The following DYNLT4 variants were observed in gnomAD, a reference collection of about 807,000 sequenced individuals.
The protein encoded by DYNLT4 is dynein light chain Tctex-type 4.
Under a neutral mutation model 1.5 loss-of-function variants are expected in DYNLT4, and 3 were observed. The ratio of observed to expected loss-of-function variants is 1.97; its 90% CI spans 0.90 to 5.08. DYNLT4 has a LOEUF of 5.08. Ranked by LOEUF, DYNLT4 falls within the 30% of genes most tolerant of loss-of-function variation. The probability of loss-of-function intolerance (pLI) is 0.02; values close to 1 mark genes in which losing one functional copy is unlikely to be tolerated. For missense variants in DYNLT4, 346 were observed against 341.0 expected, an observed-to-expected ratio of 1.01 and a Z score of -0.12; for synonymous variants, 181 against 160.0, an observed-to-expected ratio of 1.13 and a Z score of -0.99.
At chr1:44,807,301 T>C (rs1652159920) in intron 1 of DYNLT4, among the ~76,000 whole-genome samples, 24 bp downstream of exon 1, 1 of 152,252 alleles carries the variant, frequency 6.6e-6, no homozygotes, top group African/African-American at 2.4e-5. Flanking sequence ...GGCTGCCCTC[T>C]GCTCCCGAAA....
chr1:44,806,551 G>T lies in DYNLT4; in HGVS notation c.118C>A (p.Pro40Thr). ...GCLPSIDEAR[P>T]AGPGPAPASR... Reference sequence around the variant, plus strand: ...GCCGGGGCTGGACCTGGACCTGCCGGTCGGGCCTCATCAATGCTGGGCAGG... The same window carrying T: ...GCCGGGGCTGGACCTGGACCTGCCGTTCGGGCCTCATCAATGCTGGGCAGG... Residue 40 changes from proline (P) to threonine (T), a missense_variant, in exon 3 of 3, where the codon CCG (proline) becomes ACG (threonine). Transcript: ENST00000339355. 3 of 1,502,590 alleles carry T rather than the reference G, an allele frequency of 2.0e-6. No individual in the cohort carries two copies. The highest frequency in any genetic ancestry group is 2.7e-6 in the Non-Finnish European group (3 of 1,129,950). The allele number at this position is 1,502,590 out of a possible 1,614,324, so 93.1% of individuals were successfully genotyped here.
rs1473367800 is a variant in DYNLT4, at chr1:44,806,784, C to T, written c.-12G>A. On this transcript the variant is annotated splice_region_variant and 5_prime_UTR_variant, in exon 2 of 3. Transcript: ENST00000339355. Reference sequence around the variant, plus strand: ...TTTTTACCTTCTACCCCCTTCTTACCTGTGTTTTAGAACAAGTGGATCAGA... The same window carrying T: ...TTTTTACCTTCTACCCCCTTCTTACTTGTGTTTTAGAACAAGTGGATCAGA... 7.4e-7 allele frequency: 1 copy of T among 1,353,754 alleles called. No individual in the cohort carries two copies. Among genetic ancestry groups the T allele is most frequent in the Non-Finnish European group, 9.4e-7 (1 of 1,060,058 alleles). 83.9% of individuals were successfully genotyped at this position (1,353,754 alleles called of 1,614,324 possible).
At chr1:44,807,079 G>C (rs1449660843) in intron 1 of DYNLT4, 5 of 985,400 alleles carry the variant, frequency 5.1e-6, no homozygotes, top group Non-Finnish European at 6.0e-6. Flanking sequence ...AACCAGGAAG[G>C]ACTGACAGAC....
Position 44,806,250 on chromosome 1 carries a change from T to A in DYNLT4, c.419A>T (p.Tyr140Phe), listed in dbSNP as rs1480981605. 2 of 1,522,972 alleles carry A rather than the reference T, an allele frequency of 1.3e-6. No homozygotes were observed. Among genetic ancestry groups the A allele is most frequent in the Non-Finnish European group, 1.8e-6 (2 of 1,138,352 alleles). The allele number at this position is 1,522,972 out of a possible 1,614,324, so 94.3% of individuals were successfully genotyped here. The change falls in exon 3 of 3, where the codon TAC becomes TTC. Residue 140 changes from tyrosine to phenylalanine, a missense_variant. Coordinates refer to ENST00000339355, the MANE Select transcript of DYNLT4 (RefSeq NM_001377534.1). Reference protein sequence around the residue: ...ALAAGLHDACYSSDEAARLVR... With the variant: ...ALAAGLHDACFSSDEAARLVR... ...CAGCCGCGCGGCCTCGTCGCTGGAG[T>A]AGCACGCGTCGTGCAGCCCTGCGGC...
Position 44,806,289 on chromosome 1 carries a change from A to AGGGCACGCT in DYNLT4, c.371_379dup (p.Gln124_Ala126dup). On this transcript the variant is annotated inframe_insertion, in exon 3 of 3. Coordinates refer to ENST00000339355, the MANE Select transcript of DYNLT4 (RefSeq NM_001377534.1). ...CAGCCCTGCGGCCAGCGCCGCCTCCAGGGCACGCTGTGCACGCGCAGCCTC... is the reference window on the plus strand; with the variant it reads ...CAGCCCTGCGGCCAGCGCCGCCTCCAGGGCACGCTGGGCACGCTGTGCACGCGCAGCCTC... The AGGGCACGCT allele has an allele frequency of 6.7e-7, 1 of 1,482,024 alleles. No individual in the cohort carries two copies. Among genetic ancestry groups the AGGGCACGCT allele is most frequent in the South Asian group, 1.3e-5 (1 of 76,694 alleles). The allele number at this position is 1,482,024 out of a possible 1,614,324, so 91.8% of individuals were successfully genotyped here.
In DYNLT4 at chr1:44,806,115, T is replaced by A. The variant is rs1652051152; in HGVS notation, c.554A>T (p.His185Leu). ...VLGPRAGQGVHVVSRALWDVA... is the reference protein window; with the variant it reads ...VLGPRAGQGVLVVSRALWDVA... ...GTCCCAGAGCGCACGGCTGACCACG[T>A]GAACGCCCTGGCCCGCGCGCGGCCC... The change falls in exon 3 of 3, where the codon CAC becomes CTC. Residue 185 changes from histidine (H) to leucine (L), a missense_variant. Transcript: ENST00000339355. 2 of 1,606,850 alleles carry A rather than the reference T, an allele frequency of 1.2e-6. No individual in the cohort carries two copies. The highest frequency in any genetic ancestry group is 3.4e-5 in the Admixed American group (2 of 59,208).
chr1:44,807,166 A>G (rs763429755), intron 1 of DYNLT4, 159 bp downstream of exon 1: 24 of 981,166 alleles, frequency 2.4e-5, no homozygotes, highest in Non-Finnish European at 2.8e-5. Flanking sequence ...GATCTACTCT[A>G]GGGTGGCTGG....
At position 44,806,059 on chromosome 1, in the gene DYNLT4, A is replaced by G; in HGVS notation, c.610T>C (p.Tyr204His). The G allele has an allele frequency of 6.3e-7, 1 of 1,599,924 alleles. No homozygotes were observed. Among genetic ancestry groups the G allele is most frequent in the Non-Finnish European group, 8.5e-7 (1 of 1,172,180 alleles). Residue 204 changes from tyrosine to histidine, a missense_variant, in exon 3 of 3, where the codon TAC becomes CAC. Tyr to His is a moderately conservative substitution (Grantham distance 83, BLOSUM62 2). Transcript: ENST00000339355. The stretch of plus-strand genomic sequence containing the variant: ...ACCGCGAAGAGCGAGGTGTTGGTGT[A>G]GGAGACCGAGGCCAGCCCATCGCGC... ...VARDGLASVS[Y>H]TNTSLFAVAT...
chr1:44,806,730 C>A, intron 2 of DYNLT4, 51 bp from the exon 3 acceptor site: 1 of 1,399,630 alleles, frequency 7.1e-7, no homozygotes, highest in Non-Finnish European at 9.2e-7. Context: ...GTCTACCCAC[C>A]CCAGCCTCTT....
In DYNLT4 at chr1:44,806,582, T is replaced by C. The variant is rs1450709156; in HGVS notation, c.87A>G (p.Arg29=). Reference sequence around the variant, plus strand: ...CCTCATCAATGCTGGGCAGGCAGCCTCGGGGCCGCACCGGTGAGGGTTTCC... The same window carrying C: ...CCTCATCAATGCTGGGCAGGCAGCCCCGGGGCCGCACCGGTGAGGGTTTCC... ...SGRKPSPVRP[R]GCLPSIDEAR... Residue 29 remains arginine (R), a synonymous_variant, in exon 3 of 3, where the codon CGA becomes CGG. Coordinates refer to ENST00000339355, the MANE Select transcript of DYNLT4 (RefSeq NM_001377534.1). The C allele has an allele frequency of 6.7e-7, 1 of 1,497,626 alleles. No homozygotes were observed. The highest frequency in any genetic ancestry group is 8.9e-7 in the Non-Finnish European group (1 of 1,125,972). 92.8% of individuals were successfully genotyped at this position (1,497,626 alleles called of 1,614,324 possible).
Position 44,806,115 on chromosome 1 carries a change from T to C in DYNLT4, c.554A>G (p.His185Arg). 1 of 1,606,968 alleles carries C rather than the reference T, an allele frequency of 6.2e-7. No individual in the cohort carries two copies. Among genetic ancestry groups the C allele is most frequent in the Non-Finnish European group, 8.5e-7 (1 of 1,177,434 alleles). ...VLGPRAGQGV[H>R]VVSRALWDVA... ...GTCCCAGAGCGCACGGCTGACCACGTGAACGCCCTGGCCCGCGCGCGGCCC... is the reference window on the plus strand; with the variant it reads ...GTCCCAGAGCGCACGGCTGACCACGCGAACGCCCTGGCCCGCGCGCGGCCC... The change falls in exon 3 of 3, where the codon CAC becomes CGC. Residue 185 changes from histidine to arginine, a missense_variant. His to Arg is a conservative substitution (Grantham distance 29, BLOSUM62 0). Coordinates refer to ENST00000339355, the MANE Select transcript of DYNLT4 (RefSeq NM_001377534.1).
At position 44,806,553 on chromosome 1, in the gene DYNLT4, CG is replaced by C. The variant is rs1031894497; in HGVS notation, c.115del (p.Arg39AspfsTer219). 2 of 1,500,500 alleles carry C rather than the reference CG, an allele frequency of 1.3e-6. No homozygotes were observed. Among genetic ancestry groups the C allele is most frequent in the African/African-American group, 2.9e-5 (2 of 68,938 alleles). 92.9% of individuals were successfully genotyped at this position (1,500,500 alleles called of 1,614,324 possible). On this transcript the variant is annotated frameshift_variant, in exon 3 of 3. Transcript: ENST00000339355. LOFTEE classifies it low-confidence loss of function (END_TRUNC). ...CGGGGCTGGACCTGGACCTGCCGGT[CG>C]GGCCTCATCAATGCTGGGCAGGCAG... ...RGCLPSIDEA[R>X]PAGPGPAPAS...
In DYNLT4 at chr1:44,806,175, G is replaced by T. The variant is rs1557626052; in HGVS notation, c.494C>A (p.Pro165Gln). The change falls in exon 3 of 3, where the codon CCG becomes CAG. Residue 165 changes from proline (P) to glutamine (Q), a missense_variant. Pro to Gln is a moderately conservative substitution (Grantham distance 76, BLOSUM62 -1). Transcript: ENST00000339355. The part of the protein sequence containing the change: ...QVHVRLRELS[P>Q]PRYKLVCSVV... The stretch of plus-strand genomic sequence containing the variant: ...ACTGCATACCAGCTTGTAGCGTGGC[G>T]GGCTGAGCTCGCGCAGGCGAACGTG... The T allele has an allele frequency of 6.4e-7, 1 of 1,567,122 alleles. No homozygotes were observed. Among genetic ancestry groups the T allele is most frequent in the African/African-American group, 1.3e-5 (1 of 74,228 alleles).
rs1263581864 is a variant in DYNLT4, at chr1:44,806,421, G to A, written c.248C>T (p.Pro83Leu). The change falls in exon 3 of 3, where the codon CCG (proline) becomes CTG (leucine). Residue 83 changes from proline to leucine, a missense_variant. By Grantham distance (98) the Pro-to-Leu change is moderately conservative. Transcript: ENST00000339355. The stretch of plus-strand genomic sequence containing the variant: ...GACCCTTGAGCCCAGAGGGGGCACC[G>A]GGCCCAGGGATGGCCGCTGACCCCC... The part of the protein sequence containing the change: ...GPGGQRPSLG[P>L]VPPLGSRVSF... The A allele has an allele frequency of 2.0e-6, 3 of 1,515,924 alleles. No homozygotes were observed. Among genetic ancestry groups the A allele is most frequent in the East Asian group, 5.1e-5 (2 of 39,332 alleles). 93.9% of individuals were successfully genotyped at this position (1,515,924 alleles called of 1,614,324 possible).
chr1:44,806,119 C>A lies in DYNLT4; in HGVS notation c.550G>T (p.Val184Phe), dbSNP rs1320876113. ...CAGAGCGCACGGCTGACCACGTGAACGCCCTGGCCCGCGCGCGGCCCCAGC... is the reference window on the plus strand; with the variant it reads ...CAGAGCGCACGGCTGACCACGTGAAAGCCCTGGCCCGCGCGCGGCCCCAGC... ...VVLGPRAGQG[V>F]HVVSRALWDV... The change falls in exon 3 of 3, where the codon GTT becomes TTT. Residue 184 changes from valine (V) to phenylalanine (F), a missense_variant. By Grantham distance (50) the Val-to-Phe change is conservative (BLOSUM62 -1). Coordinates refer to ENST00000339355, the MANE Select transcript of DYNLT4 (RefSeq NM_001377534.1). 2 of 1,604,650 alleles carry A rather than the reference C, an allele frequency of 1.2e-6. No individual in the cohort carries two copies. Among genetic ancestry groups the A allele is most frequent in the Admixed American group, 3.4e-5 (2 of 58,766 alleles).
At position 44,806,653 on chromosome 1, in the gene DYNLT4, G is replaced by A; in HGVS notation, c.16C>T (p.Leu6=). The change falls in exon 3 of 3, where the codon CTG becomes TTG. Residue 6 remains leucine (L), a synonymous_variant. Transcript: ENST00000339355. MASRP[L]PPGRQEEENA... is the part of the protein sequence containing the mutation. The stretch of plus-strand genomic sequence containing the variant: ...TCCTCCTCCTGGCGTCCCGGGGGCA[G>A]AGGCCTGCTGGCCATGGACCTGCTG... 6.8e-7 allele frequency: 1 copy of A among 1,464,550 alleles called. No individual in the cohort carries two copies. The highest frequency in any genetic ancestry group is 1.4e-5 in the South Asian group (1 of 69,108). 90.7% of individuals were successfully genotyped at this position (1,464,550 alleles called of 1,614,324 possible).
rs1301594587 is a variant in DYNLT4, at chr1:44,806,461, G to A, written c.208C>T (p.Pro70Ser). Residue 70 changes from proline to serine, a missense_variant, in exon 3 of 3, where the codon CCA becomes TCA. By Grantham distance (74) the Pro-to-Ser change is moderately conservative. Transcript: ENST00000339355. ...SFSRRNSLVG[P>S]GAGPGGQRPS... Reference sequence around the variant, plus strand: ...CGCTGACCCCCAGGACCCGCGCCTGGCCCGACCAGCGAGTTGCGGCGGGAG... The same window carrying A: ...CGCTGACCCCCAGGACCCGCGCCTGACCCGACCAGCGAGTTGCGGCGGGAG... 7 of 1,524,044 alleles carry A rather than the reference G, an allele frequency of 4.6e-6. No individual in the cohort carries two copies. In the South Asian group the frequency reaches 7.2e-5, roughly 16 times the overall value. 94.4% of individuals were successfully genotyped at this position (1,524,044 alleles called of 1,614,324 possible).
At position 44,805,907 on chromosome 1, in the gene DYNLT4, C is replaced by T; in HGVS notation, c.*96G>A. ...GCTAGGGGGCGTTATTTATGGACCA[C>T]TTTTATTTATTGTCAGACACTTATT... On this transcript the variant is annotated 3_prime_UTR_variant, in exon 3 of 3. Coordinates refer to ENST00000339355, the MANE Select transcript of DYNLT4 (RefSeq NM_001377534.1). 2.0e-6 allele frequency: 3 copies of T among 1,464,028 alleles called. No individual in the cohort carries two copies. The highest frequency in any genetic ancestry group is 2.7e-6 in the Non-Finnish European group (3 of 1,104,930). 90.7% of individuals were successfully genotyped at this position (1,464,028 alleles called of 1,614,324 possible).
In DYNLT4 at chr1:44,806,480, G is replaced by A. The variant is rs1652096160; in HGVS notation, c.189C>T (p.Arg63=). ...CGCCTGGCCCGACCAGCGAGTTGCG[G>A]CGGGAGAAGGACGCGGCCAGGCCCA... is the stretch of plus-strand genomic sequence containing the variant. ...SMLGLAASFS[R]RNSLVGPGAG... is the part of the protein sequence containing the mutation. Residue 63 remains arginine, a synonymous_variant, in exon 3 of 3, where the codon CGC becomes CGT. Coordinates refer to ENST00000339355, the MANE Select transcript of DYNLT4 (RefSeq NM_001377534.1). 1.3e-6 allele frequency: 2 copies of A among 1,517,098 alleles called. No homozygotes were observed. The highest frequency in any genetic ancestry group is 2.1e-5 in the Admixed American group (1 of 47,848). The allele number at this position is 1,517,098 out of a possible 1,614,324, so 94.0% of individuals were successfully genotyped here. A position where few individuals can be genotyped will look rare whatever the true frequency, so the allele number is the denominator to read the frequency against.
Sources: allele counts gnomAD v4.1 joint callset (sites outside exome capture counted in the v4.1 genomes callset), GRCh38; gene constraint gnomAD v4.1.1; transcripts MANE v1.5; gene names NCBI Gene and HGNC (gene_info 2026-07-23, HGNC 2026-07-21).